The following NXPE2 variants were observed in gnomAD, a reference collection of about 807,000 sequenced individuals.
NXPE2 encodes the protein neurexophilin and PC-esterase domain family member 2.
In NXPE2, 34 loss-of-function variants were observed where a neutral mutation model predicts 34.4. The observed-to-expected ratio is 0.99, with a 90% CI of 0.75 to 1.31. NXPE2 has a LOEUF of 1.31. Among genes scored for constraint, NXPE2 ranks in the 40% most tolerant of loss-of-function variants. NXPE2 has a pLI of 0.00. For synonymous variants in NXPE2, 235 were observed against 231.3 expected (o/e 1.02, Z -0.15); for missense variants, 649 against 672.5 (o/e 0.97, Z 0.39).
chr11:114,743,123 T>C, the NXPE2 span, among the ~76,000 whole-genome samples: 1 of 152,256 alleles, frequency 6.6e-6, no homozygotes, highest in African/African-American at 2.4e-5. Flanking sequence ...GCAACAGGCT[T>C]CATTTTCTAC....
At chr11:114,802,249 G>T in the NXPE2 span, among the ~76,000 whole-genome samples, 2 of 152,156 alleles carry the variant, frequency 1.3e-5, no homozygotes, top group Non-Finnish European at 2.9e-5. Context: ...GTCTTTCTTT[G>T]CCACTCTGGG....
the NXPE2 span, among the ~76,000 whole-genome samples, chr11:114,760,111 C>T: frequency 6.6e-6 from 1 of 152,086 alleles, no homozygotes; most frequent in African/African-American, 2.4e-5. Context: ...TTTGTGTCTC[C>T]CTGCACATTC....
chr11:114,615,102 A>G, the NXPE2 span, among the ~76,000 whole-genome samples: 1 of 151,698 alleles, frequency 6.6e-6, no homozygotes, highest in South Asian at 2.1e-4. Flanking sequence ...GTGTTGCTTC[A>G]TGGGTAACCA....
the NXPE2 span, among the ~76,000 whole-genome samples, chr11:114,813,019 T>G: frequency 6.6e-6 from 1 of 152,134 alleles, no homozygotes; most frequent in African/African-American, 2.4e-5. Flanking sequence ...GCTGGGGCTC[T>G]GGGGGTCAGG....
chr11:114,496,487 T>C, the NXPE2 span, among the ~76,000 whole-genome samples: 1 of 152,170 alleles, frequency 6.6e-6, no homozygotes, highest in Non-Finnish European at 1.5e-5. Flanking sequence ...CTCATCTGAT[T>C]TTTGGTTCTT....
At chr11:114,589,337 G>T in the NXPE2 span, among the ~76,000 whole-genome samples, 12 of 151,622 alleles carry the variant, frequency 7.9e-5, no homozygotes, top group African/African-American at 2.2e-4. Context: ...TCTGGAAACT[G>T]AAGGAAGGAA....
At chr11:114,761,342 A>G in the NXPE2 span, among the ~76,000 whole-genome samples, 1 of 152,174 alleles carries the variant, frequency 6.6e-6, no homozygotes, top group Admixed American at 6.5e-5. Context: ...CGTTATTTTC[A>G]TAACTACCAG....
the NXPE2 span, among the ~76,000 whole-genome samples, chr11:114,799,829 C>T: frequency 1.3e-5 from 2 of 152,114 alleles, no homozygotes; most frequent in African/African-American, 2.4e-5. Context: ...ATCTCATGAC[C>T]GGCGGTGTTA....
the NXPE2 span, among the ~76,000 whole-genome samples, chr11:114,810,851 G>T: frequency 1.3e-5 from 2 of 152,072 alleles, no homozygotes; most frequent in African/African-American, 4.8e-5. Context: ...TATACCCAAA[G>T]GATTATAAAT....
At chr11:114,491,321 AAAAC>A in the NXPE2 span, among the ~76,000 whole-genome samples, 78 of 152,164 alleles carry the variant, frequency 5.1e-4, no homozygotes, top group African/African-American at 1.9e-3. Context: ...TTACAAGAAA[AAAAC>A]AACCCCATCA....
At chr11:114,609,695 T>C in the NXPE2 span, among the ~76,000 whole-genome samples, 1 of 151,498 alleles carries the variant, frequency 6.6e-6, no homozygotes. Flanking sequence ...TCCTCATGGG[T>C]AACCACTGTT....
At chr11:114,649,440 A>T in the NXPE2 span, among the ~76,000 whole-genome samples, 50 of 152,350 alleles carry the variant, frequency 3.3e-4, no homozygotes, top group Admixed American at 2.6e-4. Context: ...TAGCATATGG[A>T]AGGACCTCAC....
chr11:114,777,063 C>T, the NXPE2 span, among the ~76,000 whole-genome samples: 1 of 152,192 alleles, frequency 6.6e-6, no homozygotes, highest in Non-Finnish European at 1.5e-5. Context: ...CACAACTTCT[C>T]AAATGTTGGA....
At chr11:114,680,382 T>C (rs1046630929) in intron 2 of NXPE2, among the ~76,000 whole-genome samples, 3 of 152,144 alleles carry the variant, frequency 2.0e-5, no homozygotes, top group African/African-American at 7.2e-5. Flanking sequence ...TTCTAACCTT[T>C]GTCTAACACA....
At chr11:114,711,801 G>C (rs1021792223), downstream of NXPE2, among the ~76,000 whole-genome samples, 1 of 152,052 alleles carries the variant, frequency 6.6e-6, no homozygotes, top group African/African-American at 2.4e-5. Flanking sequence ...AAATAATATT[G>C]AAAGAGAAGA....
chr11:114,644,972 G>T, the NXPE2 span, among the ~76,000 whole-genome samples: 1 of 151,252 alleles, frequency 6.6e-6, no homozygotes, highest in African/African-American at 2.4e-5. Context: ...TGATGAAAAA[G>T]CATAAACACT....
downstream of NXPE2, chr11:114,707,285 G>A: frequency 1.0e-5 from 3 of 291,164 alleles, no homozygotes; most frequent in Non-Finnish European, 2.0e-5. Flanking sequence ...TAGAGATGGG[G>A]TTTCACTATC....
chr11:114,644,210 A>G, the NXPE2 span, among the ~76,000 whole-genome samples: 1 of 152,166 alleles, frequency 6.6e-6, no homozygotes, highest in African/African-American at 2.4e-5. Context: ...AACAGAGACA[A>G]TATGACTTCC....
chr11:114,796,736 T>C, the NXPE2 span, among the ~76,000 whole-genome samples: 1 of 152,312 alleles, frequency 6.6e-6, no homozygotes, highest in Admixed American at 6.5e-5. Flanking sequence ...AAACAGTCTA[T>C]AGGCAGAAAC....
Sources: allele counts gnomAD v4.1 joint callset (sites outside exome capture counted in the v4.1 genomes callset), GRCh38; gene constraint gnomAD v4.1.1; transcripts MANE v1.5; gene names NCBI Gene and HGNC (gene_info 2026-07-23, HGNC 2026-07-21).